Variants in MS4A14 observed in about 807,000 individuals in gnomAD.
MS4A14 encodes membrane-spanning 4-domains subfamily A member 14.
Under a neutral mutation model 16.7 loss-of-function variants are expected in MS4A14, and 18 were observed. That is an observed-to-expected ratio of 1.08 (90% CI 0.75 to 1.60). The LOEUF (loss-of-function observed/expected upper bound fraction) is 1.60. MS4A14 is among the 40% of genes most tolerant of loss of function. The pLI is 0.00. For synonymous variants in MS4A14, 305 were observed against 289.4 expected (o/e 1.05, Z -0.55); for missense variants, 812 against 775.3 (o/e 1.05, Z -0.56).
chr11:60,412,818 T>C (rs2085886651), intron 4 of MS4A14, among the ~76,000 whole-genome samples: 1 of 152,120 alleles, frequency 6.6e-6, no homozygotes, highest in East Asian at 1.9e-4. Flanking sequence ...AAAATTGTTT[T>C]GGCTGTTCTA....
intron 4 of MS4A14, among the ~76,000 whole-genome samples, chr11:60,411,732 C>T (rs1200790503): frequency 1.3e-5 from 2 of 152,098 alleles, no homozygotes; most frequent in African/African-American, 4.8e-5. Context: ...TTAATCTCCT[C>T]TTTTCTAATT....
rs557601732 is a variant in MS4A14 at position 60,405,368 on chromosome 11, C to T, written c.468+2307C>T. 1.2e-3 allele frequency among the ~76,000 whole-genome samples: 184 copies of T among 152,262 alleles called. 1 individual carries two copies. The highest frequency in any genetic ancestry group is 4.1e-3 in the African/African-American group (169 of 41,566). Reference sequence around the variant, plus strand: ...TGCTGGGATTACAGGCGTGAGCCACCGCGCCCGGCCAACCTTGGACTCACT... The same window carrying T: ...TGCTGGGATTACAGGCGTGAGCCACTGCGCCCGGCCAACCTTGGACTCACT... On this transcript the variant is annotated intron_variant, in intron 4 of 4. Coordinates refer to ENST00000300187, the MANE Select transcript of MS4A14 (RefSeq NM_032597.5).
rs1431335936 is a variant in MS4A14, at chr11:60,417,204, A to T, written c.*196A>T. ...CAAGATAAAGACCAACAAGACCTTC[A>T]ATCCAGAGTTACACAAAAAGGAGAT... is the stretch of plus-strand genomic sequence containing the variant. On this transcript the variant is annotated 3_prime_UTR_variant, in exon 5 of 5. Transcript: ENST00000300187. 1 of 598,554 alleles carries T rather than the reference A, an allele frequency of 1.7e-6. No homozygotes were observed. Among genetic ancestry groups the T allele is most frequent in the Non-Finnish European group, 2.8e-6 (1 of 361,256 alleles). The allele number at this position is 598,554 out of a possible 1,614,324, so 37.1% of individuals were successfully genotyped here.
rs2085939133 is a variant in MS4A14 at position 60,416,142 on chromosome 11, T to A, written c.1174T>A (p.Ser392Thr). ...SLDMLSQDTP[S>T]HAMPPQDIPS... is the part of the protein sequence containing the mutation. ...AGATATGCTATCTCAAGACACACCATCCCACGCCATGCCACCTCAAGACAT... is the reference window on the plus strand; with the variant it reads ...AGATATGCTATCTCAAGACACACCAACCCACGCCATGCCACCTCAAGACAT... The change falls in exon 5 of 5, where the codon TCC becomes ACC. Residue 392 changes from serine to threonine, a missense_variant. Transcript: ENST00000300187. 1.2e-6 allele frequency: 2 copies of A among 1,611,554 alleles called. No individual in the cohort carries two copies. Among genetic ancestry groups the A allele is most frequent in the South Asian group, 1.1e-5 (1 of 90,838 alleles).
Position 60,397,900 on chromosome 11 carries a change from T to C in MS4A14, c.187T>C (p.Phe63Leu). The C allele has an allele frequency of 6.2e-7, 1 of 1,613,416 alleles. No individual in the cohort carries two copies. The highest frequency in any genetic ancestry group is 1.1e-5 in the South Asian group (1 of 91,078). ...ALIIVGFGTI[F>L]ALNYIGFSQR... The stretch of plus-strand genomic sequence containing the variant: ...AATCATTGTGGGCTTTGGAACTATA[T>C]TTGCACTTAATTACATCGGTTTCTC... Residue 63 changes from phenylalanine to leucine, a missense_variant, in exon 2 of 5, where the codon TTT (phenylalanine) becomes CTT (leucine). By Grantham distance (22) the Phe-to-Leu change is conservative. Coordinates refer to ENST00000300187, the MANE Select transcript of MS4A14 (RefSeq NM_032597.5).
intron 3 of MS4A14, among the ~76,000 whole-genome samples, chr11:60,401,158 A>G (rs1590807516): frequency 6.6e-6 from 1 of 152,196 alleles, no homozygotes; most frequent in Non-Finnish European, 1.5e-5. Context: ...ATGAGACATT[A>G]CTGATAAAAG....
rs148281911 is a variant in MS4A14 at position 60,403,561 on chromosome 11, T to G, written c.468+500T>G. Among the ~76,000 whole-genome samples the G allele has an allele frequency of 1.1e-3, 163 of 152,346 alleles. 1 individual carries two copies. Among genetic ancestry groups the G allele is most frequent in the African/African-American group, 3.6e-3 (150 of 41,588 alleles). ...AAGTCATTTAAAAAAATAAGGATTT[T>G]TATAAGCTTAAGACATACATTATTT... On this transcript the variant is annotated intron_variant, in intron 4 of 4. Transcript: ENST00000300187.
At position 60,416,271 on chromosome 11, in the gene MS4A14, C is replaced by T. The variant is rs979387942; in HGVS notation, c.1303C>T (p.Gln435Ter). The change falls in exon 5 of 5, where the codon CAG becomes TAG. Residue 435 changes from glutamine (Q) to a stop codon, truncating the protein, a stop_gained. Transcript: ENST00000300187. LOFTEE classifies it low-confidence loss of function (END_TRUNC). ...GTTCCCTGAAATACAACACCTACTT[C>T]AGCAGCCCCCAGATCTTCAACCAGA... ...VQFPEIQHLLQQPPDLQPENT... is the reference protein window; with the variant it reads ...VQFPEIQHLL The T allele has an allele frequency of 6.2e-7, 1 of 1,614,040 alleles. No individual in the cohort carries two copies. The highest frequency in any genetic ancestry group is 8.5e-7 in the Non-Finnish European group (1 of 1,179,978).
rs2085923582 is a variant in MS4A14 at position 60,415,446 on chromosome 11, T to C, written c.478T>C (p.Phe160Leu). Reference sequence around the variant, plus strand: ...ATCCTTGCTTTTATAGGTTCTGTTTTTCTTGCCTTCGGATGTTACTCAAAA... The same window carrying C: ...ATCCTTGCTTTTATAGGTTCTGTTTCTCTTGCCTTCGGATGTTACTCAAAA... Reference protein sequence around the residue: ...FSRTLFIVLFFLPSDVTQNSE... With the variant: ...FSRTLFIVLFLLPSDVTQNSE... The change falls in exon 5 of 5, where the codon TTC becomes CTC. Residue 160 changes from phenylalanine (F) to leucine (L), a missense_variant. Transcript: ENST00000300187. The C allele has an allele frequency of 1.2e-6, 2 of 1,602,814 alleles. No homozygotes were observed. The highest frequency in any genetic ancestry group is 2.2e-5 in the East Asian group (1 of 44,814).
intron 3 of MS4A14, among the ~76,000 whole-genome samples, chr11:60,400,800 T>C (rs1034129339): frequency 1.3e-5 from 2 of 152,224 alleles, no homozygotes; most frequent in Non-Finnish European, 2.9e-5. Context: ...CAACTGGTGT[T>C]ATTGGCAACA....
chr11:60,414,594 A>G (rs569057277), intron 4 of MS4A14, among the ~76,000 whole-genome samples: 5 of 152,268 alleles, frequency 3.3e-5, no homozygotes, highest in African/African-American at 1.2e-4. Context: ...AACTAATGGG[A>G]AGCATTGCAG....
chr11:60,400,561 CATCAA>C (rs1473570539), intron 3 of MS4A14, 107 bp downstream of exon 3: 3 of 696,656 alleles, frequency 4.3e-6, no homozygotes, highest in Non-Finnish European at 7.1e-6. Context: ...AATCTGTATG[CATCAA>C]AGTTGCAGTT....
intron 4 of MS4A14, among the ~76,000 whole-genome samples, chr11:60,410,541 C>G (rs1415045307): frequency 6.6e-6 from 1 of 152,128 alleles, no homozygotes; most frequent in East Asian, 1.9e-4. Context: ...AAGATATCTT[C>G]CAACTTTTTT....
At chr11:60,405,067 G>A (rs571068345) in intron 4 of MS4A14, among the ~76,000 whole-genome samples, 2 of 152,086 alleles carry the variant, frequency 1.3e-5, no homozygotes, top group South Asian at 4.2e-4. Context: ...AGGTTAAGTG[G>A]GACTTTGGAC....
intron 4 of MS4A14, 149 bp from the exon 5 acceptor site, chr11:60,415,288 G>T (rs527656493): frequency 9.6e-6 from 7 of 729,412 alleles, no homozygotes; most frequent in Admixed American, 3.3e-5. Flanking sequence ...TAATGGTAAA[G>T]GCAGGACTGG....
chr11:60,402,872 T>G (rs753293674), intron 3 of MS4A14, 40 bp from the exon 4 acceptor site: 3 of 1,593,526 alleles, frequency 1.9e-6, no homozygotes, highest in Non-Finnish European at 2.6e-6. Context: ...TGCTTTGGTT[T>G]CGATCTTATT....
At position 60,396,736 on chromosome 11, in the gene MS4A14, T is replaced by A. The variant is rs771806031; in HGVS notation, c.138+20T>A. On this transcript the variant is annotated intron_variant, in intron 1 of 4. Transcript: ENST00000300187. Reference sequence around the variant, plus strand: ...TTGGGGGTAAGTCCTCTCCAGTCAATAGGTCTTCCAGAAGGGGAGAAAAGA... The same window carrying A: ...TTGGGGGTAAGTCCTCTCCAGTCAAAAGGTCTTCCAGAAGGGGAGAAAAGA... The A allele has an allele frequency of 1.4e-5, 23 of 1,607,664 alleles. No individual in the cohort carries two copies. The highest frequency in any genetic ancestry group is 1.9e-5 in the Non-Finnish European group (22 of 1,177,530).
chr11:60,408,981 G>C (rs1295384312), intron 4 of MS4A14, among the ~76,000 whole-genome samples: 1 of 149,042 alleles, frequency 6.7e-6, no homozygotes, highest in African/African-American at 2.4e-5. Context: ...AGGGGAAAAG[G>C]GGGAGTAATT....
chr11:60,415,985 T>TG lies in MS4A14; in HGVS notation c.1017_1018insG (p.Thr340AspfsTer10). 1 of 1,613,964 alleles carries TG rather than the reference T, an allele frequency of 6.2e-7. No individual in the cohort carries two copies. The highest frequency in any genetic ancestry group is 8.5e-7 in the Non-Finnish European group (1 of 1,179,946). ...CAGAACAAACCATGCCATCTAAGTC[T>TG]ACATCATCCCATGTCAAACAGTCTT... is the stretch of plus-strand genomic sequence containing the variant. On this transcript the variant is annotated frameshift_variant, in exon 5 of 5. Transcript: ENST00000300187. LOFTEE classifies it low-confidence loss of function (END_TRUNC).
Sources: gnomAD v4.1 joint callset for allele counts (sites outside exome capture counted in the v4.1 genomes callset) on GRCh38, gnomAD v4.1.1 for gene constraint, MANE v1.5 for transcripts, NCBI Gene and HGNC (gene_info 2026-07-23, HGNC 2026-07-21) for gene names.